ANKRD45: variants seen among roughly 807,000 people sequenced by gnomAD.
ANKRD45 encodes the protein ankyrin repeat domain-containing protein 45.
ANKRD45 carries 21 observed loss-of-function variants against 28.1 expected under a neutral mutation model. The ratio of observed to expected loss-of-function variants is 0.75; its 90% CI spans 0.53 to 1.08. The LOEUF (loss-of-function observed/expected upper bound fraction) is 1.08, where lower values mean the gene tolerates loss of function less well. Among genes scored for constraint, ANKRD45 ranks in the 50% least tolerant of loss-of-function variants. The pLI, the probability that ANKRD45 is intolerant of heterozygous loss-of-function variation, is 0.00. For synonymous variants in ANKRD45, 86 were observed against 103.9 expected, an observed-to-expected ratio of 0.83 and a Z score of 1.05; for missense variants, 261 against 308.7, an observed-to-expected ratio of 0.85 and a Z score of 1.16.
chr1:173,613,432 C>T (rs1191551703), intron 5 of ANKRD45, among the ~76,000 whole-genome samples: 8 of 151,566 alleles, frequency 5.3e-5, no homozygotes, highest in South Asian at 2.1e-4. Context: ...CATCTCCGCC[C>T]GGCAGCCGCC....
chr1:173,682,059 A>AG, the ANKRD45 span, among the ~76,000 whole-genome samples: 1 of 152,062 alleles, frequency 6.6e-6, no homozygotes, highest in Admixed American at 6.6e-5. Flanking sequence ...AAAAAAAAAA[A>AG]AAAAATGGCT....
intron 2 of ANKRD45, among the ~76,000 whole-genome samples, chr1:173,656,198 G>T (rs1449269034): frequency 6.6e-6 from 1 of 152,304 alleles, no homozygotes; most frequent in East Asian, 1.9e-4. Context: ...ATCATGCTGG[G>T]ATCTGCAGAC....
chr1:173,682,235 C>T, the ANKRD45 span, among the ~76,000 whole-genome samples: 1 of 152,038 alleles, frequency 6.6e-6, no homozygotes, highest in African/African-American at 2.4e-5. Flanking sequence ...TGAGGCTAGA[C>T]CACATGATCT....
intron 5 of ANKRD45, among the ~76,000 whole-genome samples, chr1:173,611,075 T>G (rs1667126751): frequency 6.6e-6 from 1 of 152,194 alleles, no homozygotes. Flanking sequence ...ATGTTAACTT[T>G]GCAAAAACTC....
the ANKRD45 span, among the ~76,000 whole-genome samples, chr1:173,684,168 A>G: frequency 1.3e-5 from 2 of 152,290 alleles, no homozygotes; most frequent in South Asian, 4.1e-4. Context: ...GTAGGTAATC[A>G]GAATGAGACA....
intron 1 of ANKRD45, among the ~76,000 whole-genome samples, chr1:173,665,262 T>A (rs1195518897): frequency 6.6e-6 from 1 of 152,138 alleles, no homozygotes; most frequent in Non-Finnish European, 1.5e-5. Context: ...CCCTGGATCC[T>A]AAGTAGCTGG....
the ANKRD45 span, among the ~76,000 whole-genome samples, chr1:173,685,077 A>G: frequency 1.3e-5 from 2 of 152,208 alleles, no homozygotes; most frequent in Non-Finnish European, 2.9e-5. Context: ...TCTGGTTGAT[A>G]AAATGCCAGA....
chr1:173,704,093 T>C, the ANKRD45 span, among the ~76,000 whole-genome samples: 4 of 152,204 alleles, frequency 2.6e-5, no homozygotes, highest in African/African-American at 9.6e-5. Flanking sequence ...AAAGGGCTCA[T>C]GTCCCGCGGT....
intron 2 of ANKRD45, among the ~76,000 whole-genome samples, chr1:173,648,186 C>A (rs1251128921): frequency 6.6e-6 from 1 of 152,150 alleles, no homozygotes; most frequent in African/African-American, 2.4e-5. Context: ...GATCCACTTG[C>A]CTCAGCCTCC....
chr1:173,615,063 C>A (rs1053292984), intron 5 of ANKRD45, among the ~76,000 whole-genome samples: 1 of 152,092 alleles, frequency 6.6e-6, no homozygotes, highest in Non-Finnish European at 1.5e-5. Flanking sequence ...CAGTAATCCA[C>A]CCGCCTCAGC....
intron 3 of ANKRD45, among the ~76,000 whole-genome samples, chr1:173,641,706 C>T (rs1413780687): frequency 6.6e-6 from 1 of 152,156 alleles, no homozygotes; most frequent in Non-Finnish European, 1.5e-5. Context: ...AAACAAGACA[C>T]TGCAGGCCAA....
the ANKRD45 span, among the ~76,000 whole-genome samples, chr1:173,679,505 T>G: frequency 6.6e-6 from 1 of 152,198 alleles, no homozygotes; most frequent in Non-Finnish European, 1.5e-5. Flanking sequence ...TGCAGAAAGC[T>G]GAAACTGGAT....
intron 5 of ANKRD45, among the ~76,000 whole-genome samples, chr1:173,613,296 G>A (rs1337452647): frequency 2.6e-5 from 4 of 151,456 alleles, no homozygotes; most frequent in Non-Finnish European, 5.9e-5. Flanking sequence ...TCTGAGAAGC[G>A]AGGAGCCCCT....
chr1:173,625,086 G>A (rs1667873376), intron 4 of ANKRD45, among the ~76,000 whole-genome samples, 161 bp from the exon 5 acceptor site: 1 of 152,050 alleles, frequency 6.6e-6, no homozygotes, highest in Non-Finnish European at 1.5e-5. Context: ...AATAGCTATT[G>A]AGCACTAGAA....
chr1:173,612,640 A>T (rs1331375823), intron 5 of ANKRD45: 1 of 152,600 alleles, frequency 6.6e-6, no homozygotes, highest in Non-Finnish European at 1.5e-5. Flanking sequence ...TCTGATGCTG[A>T]GCTGAAGCTG....
chr1:173,627,231 G>A (rs1667979060), intron 3 of ANKRD45, 72 bp from the exon 4 acceptor site: 1 of 988,528 alleles, frequency 1.0e-6, no homozygotes, highest in South Asian at 1.4e-5. Context: ...TCAAATGGAA[G>A]CCTCCACTGT....
chr1:173,701,408 T>C, the ANKRD45 span, among the ~76,000 whole-genome samples: 1 of 152,186 alleles, frequency 6.6e-6, no homozygotes, highest in South Asian at 2.1e-4. Flanking sequence ...AGTAAAGACT[T>C]GGAACCAACC....
the ANKRD45 span, among the ~76,000 whole-genome samples, chr1:173,713,130 A>G: frequency 2.0e-5 from 3 of 152,248 alleles, no homozygotes; most frequent in African/African-American, 7.2e-5. Context: ...TTTACTGCAT[A>G]TGTATATATA....
At chr1:173,669,161 C>T (rs1186696626) in intron 1 of ANKRD45, among the ~76,000 whole-genome samples, 6 of 152,080 alleles carry the variant, frequency 3.9e-5, no homozygotes, top group Non-Finnish European at 7.4e-5. Flanking sequence ...AGGTAGAGTG[C>T]TTTGAAAGTA....
Sources: allele counts gnomAD v4.1 joint callset (sites outside exome capture counted in the v4.1 genomes callset), GRCh38; gene constraint gnomAD v4.1.1; transcripts MANE v1.5; gene names NCBI Gene and HGNC (gene_info 2026-07-23, HGNC 2026-07-21).